PCDHGA1: variants seen among roughly 807,000 people sequenced by gnomAD.
The protein encoded by PCDHGA1 is protocadherin gamma subfamily A, 1, also known as protocadherin gamma-A1.
In PCDHGA1, 32 loss-of-function variants were observed where a neutral mutation model predicts 58.0. The observed-to-expected ratio is 0.55, with a 90% CI of 0.42 to 0.74. PCDHGA1 has a LOEUF of 0.74. PCDHGA1 is among the 30% of genes least tolerant of loss of function. The pLI is 0.00. For synonymous variants in PCDHGA1, 498 were observed against 501.1 expected, an observed-to-expected ratio of 0.99 and a Z score of 0.08; for missense variants, 1,205 against 1,182.3, an observed-to-expected ratio of 1.02 and a Z score of -0.28.
intron 1 of PCDHGA1, chr5:141,400,723 C>A (rs1317017521): frequency 6.1e-6 from 4 of 660,798 alleles, no homozygotes; most frequent in Non-Finnish European, 7.7e-6. Flanking sequence ...TATAGATTTA[C>A]AAAGTAGTGA....
Position 141,393,858 on chromosome 5 carries a change from A to G in PCDHGA1, c.2421+60753A>G, listed in dbSNP as rs777304987. The G allele has an allele frequency of 1.2e-5, 20 of 1,613,912 alleles. No homozygotes were observed. Among genetic ancestry groups the G allele is most frequent in the Admixed American group, 8.3e-5 (5 of 60,008 alleles). On this transcript the variant is annotated intron_variant, in intron 1 of 3. Transcript: ENST00000517417. ...AAATGACAATAGACCAGAAGTGATC[A>G]TTACGTCTTTGTTTAGCCCAGTGTT...
intron 1 of PCDHGA1, chr5:141,344,048 G>C (rs2149732410): frequency 1.3e-6 from 2 of 1,558,278 alleles, no homozygotes; most frequent in Non-Finnish European, 1.7e-6. Context: ...CCAATTGCCT[G>C]AGTTTCCGAA....
intron 1 of PCDHGA1, chr5:141,366,493 G>A: frequency 4.3e-6 from 7 of 1,614,256 alleles, no homozygotes; most frequent in Non-Finnish European, 5.9e-6. Context: ...GCTGGCACAA[G>A]TCACGCCTGC....
chr5:141,423,035 C>T (rs1220219512), intron 1 of PCDHGA1: 2 of 1,614,214 alleles, frequency 1.2e-6, no homozygotes, highest in Admixed American at 3.3e-5. Flanking sequence ...GGCCAGAACG[C>T]CTGGCTGTCC....
At chr5:141,355,477 G>A in intron 1 of PCDHGA1, 1 of 1,614,072 alleles carries the variant, frequency 6.2e-7, no homozygotes, top group Non-Finnish European at 8.5e-7. Context: ...GATAGACAGG[G>A]AGGAGCTCTG....
chr5:141,359,760 G>C (rs1305895220), intron 1 of PCDHGA1, among the ~76,000 whole-genome samples: 2 of 152,148 alleles, frequency 1.3e-5, no homozygotes, highest in African/African-American at 4.8e-5. Flanking sequence ...ATCTAAAGCA[G>C]AGATGAAAGG....
At chr5:141,417,585 G>T in intron 1 of PCDHGA1, 1 of 462,794 alleles carries the variant, frequency 2.2e-6, no homozygotes, top group South Asian at 4.9e-5. Context: ...GTCCCACACA[G>T]AGCCTCTGGG....
chr5:141,430,276 G>C (rs2097271928), intron 1 of PCDHGA1, among the ~76,000 whole-genome samples: 1 of 151,720 alleles, frequency 6.6e-6, no homozygotes, highest in South Asian at 2.1e-4. Context: ...TGTGTTGGGG[G>C]AACAGTAATC....
At chr5:141,414,883 G>A (rs572616023) in intron 1 of PCDHGA1, 1 of 1,614,176 alleles carries the variant, frequency 6.2e-7, no homozygotes, top group South Asian at 1.1e-5. Context: ...CCTGTACCCC[G>A]CCCTCCCCAC....
intron 1 of PCDHGA1, chr5:141,355,859 C>G: frequency 6.2e-7 from 1 of 1,612,324 alleles, no homozygotes; most frequent in Non-Finnish European, 8.5e-7. Context: ...GGAGGTGACC[C>G]GGTTCGCTCT....
At chr5:141,344,939 A>G in intron 1 of PCDHGA1, 9 of 1,613,932 alleles carry the variant, frequency 5.6e-6, no homozygotes, top group Admixed American at 1.7e-5. Context: ...GAGAAGTATC[A>G]ATATTAAAAA....
intron 1 of PCDHGA1, among the ~76,000 whole-genome samples, chr5:141,430,013 G>T (rs2097256191): frequency 6.6e-6 from 1 of 151,922 alleles, no homozygotes; most frequent in South Asian, 2.1e-4. Context: ...TTTTCACTTG[G>T]GTTCTTGTTA....
chr5:141,428,344 G>T (rs970552377), intron 1 of PCDHGA1: 3 of 596,498 alleles, frequency 5.0e-6, no homozygotes, highest in Non-Finnish European at 6.1e-6. Flanking sequence ...CTTCTTCCTC[G>T]CAGTGATTTT....
At chr5:141,423,444 A>C (rs1340932902) in intron 1 of PCDHGA1, 1 of 1,614,050 alleles carries the variant, frequency 6.2e-7, no homozygotes. Flanking sequence ...TGCCCACGTC[A>C]CATTTTGTAG....
chr5:141,371,126 G>A (rs771503088), intron 1 of PCDHGA1: 2 of 1,613,996 alleles, frequency 1.2e-6, no homozygotes, highest in South Asian at 2.2e-5. Context: ...TATTTACTCA[G>A]GACATGTACA....
chr5:141,500,309 C>T (rs777434466), intron 2 of PCDHGA1, among the ~76,000 whole-genome samples: 2 of 151,602 alleles, frequency 1.3e-5, no homozygotes, highest in Non-Finnish European at 2.9e-5. Flanking sequence ...CCCAGGTTCA[C>T]GCCATGCTCC....
At chr5:141,414,936 G>T in intron 1 of PCDHGA1, 1 of 1,614,118 alleles carries the variant, frequency 6.2e-7, no homozygotes, top group South Asian at 1.1e-5. Context: ...GCTCCGCAGA[G>T]CCCGGCTACC....
intron 1 of PCDHGA1, among the ~76,000 whole-genome samples, chr5:141,488,133 G>T (rs1046071550): frequency 6.6e-6 from 1 of 152,198 alleles, no homozygotes; most frequent in Non-Finnish European, 1.5e-5. Context: ...AGAAAGAGGA[G>T]AGAACTAAAG....
In PCDHGA1 at chr5:141,432,249, A is replaced by G; in HGVS notation, c.2422-62558A>G. The G allele has an allele frequency of 6.2e-7, 1 of 1,614,206 alleles. No individual in the cohort carries two copies. Among genetic ancestry groups the G allele is most frequent in the Non-Finnish European group, 8.5e-7 (1 of 1,180,044 alleles). On this transcript the variant is annotated intron_variant, in intron 1 of 3. Coordinates refer to ENST00000517417, the MANE Select transcript of PCDHGA1 (RefSeq NM_018912.3). The surrounding 1 kb of genome is among the most constrained non-coding windows in gnomAD (Gnocchi z 6.0). ...TATTCCCTGGCTGAGAACACCATCC[A>G]AGGGGCAAGCCTATCGTCCTACGTG...
Sources: gnomAD v4.1 joint callset for allele counts (sites outside exome capture counted in the v4.1 genomes callset) on GRCh38, gnomAD v4.1.1 for gene constraint, Gnocchi (gnomAD v3.1) non-coding constraint, MANE v1.5 for transcripts, NCBI Gene and HGNC (gene_info 2026-07-23, HGNC 2026-07-21) for gene names.